Variants in EPHA5 observed in about 807,000 individuals in gnomAD.
EPHA5 encodes EPH receptor A5.
EPHA5 carries 60 observed loss-of-function variants against 105.0 expected under a neutral mutation model. The observed-to-expected ratio is 0.57, with a 90% CI of 0.46 to 0.71. The LOEUF (loss-of-function observed/expected upper bound fraction) is 0.71. Ranked by LOEUF, EPHA5 falls within the 30% of genes least tolerant of loss-of-function variation. EPHA5 has a pLI of 0.00. For synonymous variants in EPHA5, 513 were observed against 449.1 expected (o/e 1.14, Z -1.80); for missense variants, 1,218 against 1,274.7 (o/e 0.96, Z 0.68).
chr4:65,567,001 C>A, intron 3 of EPHA5, among the ~76,000 whole-genome samples: 1 of 151,694 alleles, frequency 6.6e-6, no homozygotes, highest in Admixed American at 6.6e-5. Flanking sequence ...TATACACTAT[C>A]TGACTACACA....
chr4:65,557,260 T>TATATATATATATA (rs1264706656), intron 3 of EPHA5, among the ~76,000 whole-genome samples: 1 of 25,556 alleles, frequency 3.9e-5, no homozygotes, highest in Non-Finnish European at 9.2e-5. Flanking sequence ...ATATATATAT[T>TATATATATATATA]CTCACACTTT....
rs530645431 is a variant in EPHA5, at chr4:65,518,417, T to C, written c.911-22874A>G. The stretch of plus-strand genomic sequence containing the variant: ...TGTTTGTAAATACATGTACTTATAT[T>C]CACACACACACACACACCCACACAC... On this transcript the variant is annotated intron_variant, in intron 3 of 16. Transcript: ENST00000613740. Among the ~76,000 whole-genome samples the C allele has an allele frequency of 6.5e-4, 98 of 150,128 alleles. No homozygotes were observed. The South Asian group carries it at 0.011, about 17-fold the overall frequency.
chr4:65,580,697 T>A (rs964243753), intron 3 of EPHA5, among the ~76,000 whole-genome samples: 9 of 151,828 alleles, frequency 5.9e-5, no homozygotes, highest in African/African-American at 1.7e-4. Context: ...CCTCCTCCCC[T>A]GTCCCTCAAA....
intron 1 of EPHA5, among the ~76,000 whole-genome samples, chr4:65,652,316 C>T (rs1360593922): frequency 6.6e-6 from 1 of 152,108 alleles, no homozygotes; most frequent in East Asian, 1.9e-4. Flanking sequence ...ACTGTGTGAC[C>T]TTGAGGAAAT....
chr4:65,403,001 A>G (rs989766179), intron 8 of EPHA5, among the ~76,000 whole-genome samples: 4 of 128,388 alleles, frequency 3.1e-5, no homozygotes, highest in South Asian at 2.8e-4. Flanking sequence ...ATTGTCCTCA[A>G]CAGAACACAA....
At chr4:65,456,131 G>T (rs1283001087) in intron 5 of EPHA5, among the ~76,000 whole-genome samples, 1 of 152,152 alleles carries the variant, frequency 6.6e-6, no homozygotes, top group African/African-American at 2.4e-5. Flanking sequence ...TGAATAACTA[G>T]TTCGCAAATT....
chr4:65,583,254 C>A (rs779017352), intron 3 of EPHA5, among the ~76,000 whole-genome samples: 4 of 150,988 alleles, frequency 2.6e-5, no homozygotes. Flanking sequence ...GAAACTCTTG[C>A]CACTAAACAC....
rs936091807 is a variant in EPHA5 at position 65,618,768 on chromosome 4, G to C, written c.247-16464C>G. Among the ~76,000 whole-genome samples the C allele has an allele frequency of 2.0e-5, 3 of 152,170 alleles. No homozygotes were observed. The East Asian group carries it at 5.8e-4, about 29-fold the overall frequency. On this transcript the variant is annotated intron_variant, in intron 2 of 16. Coordinates refer to ENST00000613740, the MANE Select transcript of EPHA5 (RefSeq NM_001281766.3). Reference sequence around the variant, plus strand: ...ATAATTCTGTTAAGTTCCCATTGGAGACATTCCATTCATAACTATAGAGAG... The same window carrying C: ...ATAATTCTGTTAAGTTCCCATTGGACACATTCCATTCATAACTATAGAGAG...
chr4:65,564,332 A>G (rs1266062546), intron 3 of EPHA5, among the ~76,000 whole-genome samples: 1 of 151,914 alleles, frequency 6.6e-6, no homozygotes, highest in Non-Finnish European at 1.5e-5. Flanking sequence ...GATAGCTCCT[A>G]TTAAAGTTTA....
At chr4:65,389,025 C>T (rs1720429845) in intron 8 of EPHA5, among the ~76,000 whole-genome samples, 1 of 151,772 alleles carries the variant, frequency 6.6e-6, no homozygotes, top group Non-Finnish European at 1.5e-5. Context: ...TTGATGATTC[C>T]TTGTTGGAGT....
chr4:65,575,369 T>C (rs766393120), intron 3 of EPHA5, among the ~76,000 whole-genome samples: 1 of 152,328 alleles, frequency 6.6e-6, no homozygotes, highest in Admixed American at 6.5e-5. Context: ...GGTATAGGAA[T>C]ACTCTGTTCT....
intron 5 of EPHA5, among the ~76,000 whole-genome samples, chr4:65,486,927 C>T (rs941502528): frequency 6.6e-5 from 10 of 152,124 alleles, no homozygotes; most frequent in African/African-American, 2.4e-4. Flanking sequence ...AACAGCATAT[C>T]CTTGGTGCTC....
chr4:65,527,011 A>T (rs1021583947), intron 3 of EPHA5, among the ~76,000 whole-genome samples: 3 of 152,070 alleles, frequency 2.0e-5, no homozygotes, highest in Non-Finnish European at 4.4e-5. Context: ...CATTTCAAAT[A>T]AATCAGACTA....
rs930498596 is a variant in EPHA5, at chr4:65,515,578, G to GT, written c.911-20036dup. ...TGAACTTGTACCTAAGTATTTTATG[G>GT]TTTTTTGTGAAAATTTATAGGATTT... On this transcript the variant is annotated intron_variant, in intron 3 of 16. Transcript: ENST00000613740. Among the ~76,000 whole-genome samples the GT allele has an allele frequency of 2.3e-4, 35 of 152,094 alleles. No homozygotes were observed. In the Middle Eastern group the frequency reaches 0.01, roughly 44 times the overall value.
chr4:65,618,037 T>G (rs960125605), intron 2 of EPHA5, among the ~76,000 whole-genome samples: 2 of 152,122 alleles, frequency 1.3e-5, no homozygotes, highest in Non-Finnish European at 2.9e-5. Context: ...TAAAATAGAA[T>G]GTTAAAATTA....
chr4:65,558,915 G>T (rs1738736962), intron 3 of EPHA5, among the ~76,000 whole-genome samples: 1 of 152,066 alleles, frequency 6.6e-6, no homozygotes, highest in South Asian at 2.1e-4. Context: ...TTAAGACAGT[G>T]ATTTTTAAAG....
At chr4:65,605,156 G>C (rs533587344) in intron 2 of EPHA5, among the ~76,000 whole-genome samples, 1 of 152,202 alleles carries the variant, frequency 6.6e-6, no homozygotes, top group Non-Finnish European at 1.5e-5. Context: ...TTATCTCCCA[G>C]ATTCTTAGGG....
chr4:65,402,308 G>A (rs1012269600), intron 8 of EPHA5, among the ~76,000 whole-genome samples: 5 of 152,212 alleles, frequency 3.3e-5, no homozygotes, highest in Admixed American at 6.5e-5. Context: ...TGTGAGAACC[G>A]ATACAAAGTG....
chr4:65,522,376 G>C (rs1734837342), intron 3 of EPHA5, among the ~76,000 whole-genome samples: 1 of 148,078 alleles, frequency 6.8e-6, no homozygotes, highest in South Asian at 2.1e-4. Context: ...TCAACTTCTT[G>C]GGTTTTTCTC....
Sources: gnomAD v4.1 joint callset for allele counts (sites outside exome capture counted in the v4.1 genomes callset) on GRCh38, gnomAD v4.1.1 for gene constraint, MANE v1.5 for transcripts, NCBI Gene and HGNC (gene_info 2026-07-23, HGNC 2026-07-21) for gene names.